RPRD2: variants seen among roughly 807,000 people sequenced by gnomAD.
RPRD2 encodes the protein regulation of nuclear pre-mRNA domain containing 2.
In RPRD2, 12 loss-of-function variants were observed where a neutral mutation model predicts 104.4. That is an observed-to-expected ratio of 0.11 (90% CI 0.07 to 0.19). The LOEUF (loss-of-function observed/expected upper bound fraction) is 0.19. Among genes scored for constraint, RPRD2 ranks in the 10% least tolerant of loss-of-function variants. The probability of loss-of-function intolerance (pLI) is 1.00; values close to 1 mark genes in which losing one functional copy is unlikely to be tolerated. For synonymous variants in RPRD2, 714 were observed against 684.9 expected (o/e 1.04, Z -0.66); for missense variants, 1,543 against 1,790.1 (o/e 0.86, Z 2.49).
At chr1:150,468,466 T>A (rs1334154415) in intron 10 of RPRD2, among the ~76,000 whole-genome samples, 1 of 152,202 alleles carries the variant, frequency 6.6e-6, no homozygotes, top group Non-Finnish European at 1.5e-5. Context: ...TTTGAAGAAG[T>A]TATCCCAAAA....
At chr1:150,387,865 C>T (rs1661708178) in intron 1 of RPRD2, among the ~76,000 whole-genome samples, 1 of 149,686 alleles carries the variant, frequency 6.7e-6, no homozygotes, top group Non-Finnish European at 1.5e-5. Context: ...GCTAGGATTA[C>T]AGGCGTGAGC....
chr1:150,397,742 C>T (rs1178302869), intron 1 of RPRD2, among the ~76,000 whole-genome samples: 1 of 152,018 alleles, frequency 6.6e-6, no homozygotes, highest in African/African-American at 2.4e-5. Context: ...CCACCATAAA[C>T]ATTTCTTATT....
At chr1:150,443,179 A>G in intron 4 of RPRD2, 52 bp from the exon 5 acceptor site, 1 of 1,402,592 alleles carries the variant, frequency 7.1e-7, no homozygotes, top group South Asian at 1.3e-5. Flanking sequence ...TTTTCCTGTT[A>G]GTCAACTTTT....
chr1:150,419,545 A>G (rs1664611548), intron 2 of RPRD2, among the ~76,000 whole-genome samples: 1 of 152,192 alleles, frequency 6.6e-6, no homozygotes, highest in Non-Finnish European at 1.5e-5. Flanking sequence ...GATATTTATA[A>G]TTGACTAAAT....
Position 150,364,888 on chromosome 1 carries a change from C to T in RPRD2, c.174C>T (p.Ile58=), listed in dbSNP as rs1305802723. ...AGAACAAAAAACACCACAGTACTAT[C>T]GTCTATCATTGGATGAAGTGGCTCC... ...CIENKKHHST[I]VYHWMKWLRR... The change falls in exon 1 of 11, where the codon ATC becomes ATT. Residue 58 remains isoleucine, a synonymous_variant. Coordinates refer to ENST00000369068, the MANE Select transcript of RPRD2 (RefSeq NM_015203.5). 3.7e-6 allele frequency: 6 copies of T among 1,613,858 alleles called. No homozygotes were observed. In the African/African-American group the frequency reaches 4.0e-5, roughly 11 times the overall value.
intron 1 of RPRD2, among the ~76,000 whole-genome samples, chr1:150,384,265 TTG>T (rs1198123019): frequency 1.3e-5 from 2 of 151,942 alleles, no homozygotes; most frequent in Non-Finnish European, 1.5e-5. Flanking sequence ...CAATTTATAT[TTG>T]TATACAGTAA....
rs1240332895 is a variant in RPRD2 at position 150,474,989 on chromosome 1, AATTT to A, written c.*1659_*1662del. The A allele has an allele frequency of 6.6e-6, 1 of 152,016 alleles. No individual in the cohort carries two copies. The highest frequency in any genetic ancestry group is 1.5e-5 in the Non-Finnish European group (1 of 67,980). The allele number at this position is 152,016 out of a possible 1,614,324, so 9.4% of individuals were successfully genotyped here. A position where few individuals can be genotyped will look rare whatever the true frequency, so the allele number is the denominator to read the frequency against. ...CATCATGATTTGGGAGTTTTTGCGT[AATTT>A]ATTCTGTTATTTATTTGGGCTCGCC... On this transcript the variant is annotated 3_prime_UTR_variant, in exon 11 of 11. Coordinates refer to ENST00000369068, the MANE Select transcript of RPRD2 (RefSeq NM_015203.5).
intron 1 of RPRD2, among the ~76,000 whole-genome samples, chr1:150,389,850 A>C (rs1360836779): frequency 6.6e-6 from 1 of 152,170 alleles, no homozygotes; most frequent in Non-Finnish European, 1.5e-5. Flanking sequence ...GCAGTGAGTA[A>C]GCTTGTGAGC....
Position 150,460,168 on chromosome 1 carries a change from T to G in RPRD2, c.1262T>G (p.Val421Gly). 6.2e-7 allele frequency: 1 copy of G among 1,613,998 alleles called. No individual in the cohort carries two copies. The change falls in exon 9 of 11, where the codon GTG becomes GGG. Residue 421 changes from valine (V) to glycine (G), a missense_variant. Val to Gly is a moderately radical substitution (Grantham distance 109). Around this residue, in one of 4 missense-constraint regions of RPRD2, gnomAD observed 572 missense variants for 787.3 expected, o/e 0.73. Coordinates refer to ENST00000369068, the MANE Select transcript of RPRD2 (RefSeq NM_015203.5). ...SKASSCTPVP[V>G]TMTATPPLPK... is the part of the protein sequence containing the mutation. ...GCCTCTTCATGTACCCCAGTGCCTG[T>G]GACCATGACAGCAACTCCACCTCTT...
intron 1 of RPRD2, among the ~76,000 whole-genome samples, chr1:150,384,933 C>G (rs2102149157): frequency 6.6e-6 from 1 of 152,140 alleles, no homozygotes; most frequent in South Asian, 2.1e-4. Context: ...AGAAAAATCA[C>G]TCAGCCCAGG....
rs587657514 is a variant in RPRD2 at position 150,407,649 on chromosome 1, A to G, written c.206-9947A>G. Among the ~76,000 whole-genome samples, 3 of 152,284 alleles carry G rather than the reference A, an allele frequency of 2.0e-5. No homozygotes were observed. In the South Asian group the frequency reaches 6.2e-4, roughly 32 times the overall value. On this transcript the variant is annotated intron_variant, in intron 1 of 10. Coordinates refer to ENST00000369068, the MANE Select transcript of RPRD2 (RefSeq NM_015203.5). ...GTTCAGTGTTCTTTCTGCTACCTTG[A>G]TACTTTTTCAGATAATTTTTTCTTG...
intron 1 of RPRD2, among the ~76,000 whole-genome samples, chr1:150,392,605 C>T (rs782292679): frequency 6.6e-6 from 1 of 152,134 alleles, no homozygotes; most frequent in Non-Finnish European, 1.5e-5. Flanking sequence ...GTAGTCTCAG[C>T]GCTTTGGCAG....
At chr1:150,382,005 T>C (rs2102134818) in intron 1 of RPRD2, among the ~76,000 whole-genome samples, 1 of 152,308 alleles carries the variant, frequency 6.6e-6, no homozygotes, top group Admixed American at 6.5e-5. Context: ...ATAAGATGCT[T>C]CATATGAAGT....
chr1:150,442,987 T>G (rs1301065422), intron 4 of RPRD2, among the ~76,000 whole-genome samples: 2 of 152,140 alleles, frequency 1.3e-5, no homozygotes, highest in African/African-American at 4.8e-5. Context: ...ATTCTAGGAC[T>G]TTATGACCTG....
At chr1:150,436,858 TC>T (rs1307896842) in intron 2 of RPRD2, among the ~76,000 whole-genome samples, 1 of 143,294 alleles carries the variant, frequency 7.0e-6, no homozygotes, top group Non-Finnish European at 1.5e-5. Flanking sequence ...TGAGCTGAGA[TC>T]GCGCCATTGC....
chr1:150,469,043 A>G (rs1319293424), intron 10 of RPRD2, among the ~76,000 whole-genome samples: 1 of 152,168 alleles, frequency 6.6e-6, no homozygotes, highest in Admixed American at 6.6e-5. Flanking sequence ...AATAAAGACC[A>G]TCCAACATTA....
At chr1:150,458,305 A>G (rs1553898099) in intron 8 of RPRD2, among the ~76,000 whole-genome samples, 1 of 152,036 alleles carries the variant, frequency 6.6e-6, no homozygotes, top group African/African-American at 2.4e-5. Flanking sequence ...AAATATAAAA[A>G]TTAGTCAGCG....
At position 150,364,683 on chromosome 1, in the gene RPRD2, G is replaced by T. The variant is rs1659693920; in HGVS notation, c.-32G>T. The T allele has an allele frequency of 3.0e-6, 4 of 1,335,114 alleles. No individual in the cohort carries two copies. Among genetic ancestry groups the T allele is most frequent in the Non-Finnish European group, 4.1e-6 (4 of 978,780 alleles). 82.7% of individuals were successfully genotyped at this position (1,335,114 alleles called of 1,614,324 possible). A position where few individuals can be genotyped will look rare whatever the true frequency, so the allele number is the denominator to read the frequency against. ...GCCGCCGCCGCCGCCGCCGCCGCCA[G>T]AGGAGCAGCAGCGCTTGTGCAAACC... is the stretch of plus-strand genomic sequence containing the variant. On this transcript the variant is annotated 5_prime_UTR_variant, in exon 1 of 11. Transcript: ENST00000369068.
chr1:150,471,204 G>A lies in RPRD2; in HGVS notation c.2256G>A (p.Leu752=), dbSNP rs1007156460. ...PTSSSVDTMS[L]LSKIISPGSS... ...CCAGCAGTGTAGATACTATGTCCCT[G>A]CTTTCTAAGATCATTAGCCCTGGTT... Residue 752 remains leucine, a synonymous_variant, in exon 11 of 11, where the codon CTG becomes CTA. Coordinates refer to ENST00000369068, the MANE Select transcript of RPRD2 (RefSeq NM_015203.5). This position sits in a 1 kb window ranked among gnomAD's most constrained non-coding sequence, Gnocchi z 5.3. The A allele has an allele frequency of 2.5e-6, 4 of 1,613,504 alleles. No individual in the cohort carries two copies. Among genetic ancestry groups the A allele is most frequent in the Non-Finnish European group, 3.4e-6 (4 of 1,179,778 alleles).
Sources: gnomAD v4.1 joint callset for allele counts (sites outside exome capture counted in the v4.1 genomes callset) on GRCh38, gnomAD v4.1.1 for gene constraint, gnomAD v4.1.1 regional missense constraint, Gnocchi (gnomAD v3.1) non-coding constraint, MANE v1.5 for transcripts, NCBI Gene and HGNC (gene_info 2026-07-23, HGNC 2026-07-21) for gene names.